Variants in TENM4 observed in about 807,000 individuals in gnomAD.
TENM4 encodes teneurin transmembrane protein 4.
A neutral mutation model predicts 243.3 loss-of-function variants in TENM4; 82 were observed. That is an observed-to-expected ratio of 0.34 (90% CI 0.28 to 0.40). The LOEUF is 0.40. Among genes scored for constraint, TENM4 ranks in the 10% least tolerant of loss-of-function variants. The pLI is 1.00. For missense variants in TENM4, 3,138 were observed against 3,673.3 expected, an observed-to-expected ratio of 0.85 and a Z score of 3.77; for synonymous variants, 1,412 against 1,456.3, an observed-to-expected ratio of 0.97 and a Z score of 0.69.
At chr11:78,858,241 G>A (rs1256955601) in intron 10 of TENM4, among the ~76,000 whole-genome samples, 1 of 152,136 alleles carries the variant, frequency 6.6e-6, no homozygotes, top group Non-Finnish European at 1.5e-5. Flanking sequence ...AGGTCTGCAG[G>A]CCTCAGGCAT....
chr11:78,903,498 G>A lies in TENM4; in HGVS notation c.519C>T (p.His173=). Residue 173 remains histidine (H), a synonymous_variant, in exon 7 of 34, where the codon CAC becomes CAT. Coordinates refer to ENST00000278550, the MANE Select transcript of TENM4 (RefSeq NM_001098816.3). The part of the protein sequence containing the change: ...ETDHPGGLQN[H]ARLRTPPPPL... ...GCGGCGGCGGCGTCCGGAGCCGCGCGTGGTTCTGCAGGCCGCCCGGATGAT... is the reference window on the plus strand; with the variant it reads ...GCGGCGGCGGCGTCCGGAGCCGCGCATGGTTCTGCAGGCCGCCCGGATGAT... The A allele has an allele frequency of 6.5e-7, 1 of 1,547,728 alleles. No individual in the cohort carries two copies. The highest frequency in any genetic ancestry group is 8.7e-7 in the Non-Finnish European group (1 of 1,146,488).
chr11:78,701,592 G>A lies in TENM4; in HGVS notation c.5021C>T (p.Thr1674Ile). Residue 1674 changes from threonine (T) to isoleucine (I), a missense_variant, in exon 28 of 34, where the codon ACA becomes ATA. Thr to Ile is a moderately conservative substitution (Grantham distance 89). Coordinates refer to ENST00000278550, the MANE Select transcript of TENM4 (RefSeq NM_001098816.3). ...CAGAAGGCCGGAATTGCCATGGTATGTCATCATGGCCAACTCGTGTCCTTG... is the reference window on the plus strand; with the variant it reads ...CAGAAGGCCGGAATTGCCATGGTATATCATCATGGCCAACTCGTGTCCTTG... ...TTQGHELAMM[T>I]YHGNSGLLAT... is the part of the protein sequence containing the mutation. 3 of 1,608,050 alleles carry A rather than the reference G, an allele frequency of 1.9e-6. No individual in the cohort carries two copies. The highest frequency in any genetic ancestry group is 2.6e-6 in the Non-Finnish European group (3 of 1,174,922).
chr11:79,079,063 C>A (rs553841222), intron 4 of TENM4, among the ~76,000 whole-genome samples: 26 of 152,330 alleles, frequency 1.7e-4, no homozygotes, highest in African/African-American at 6.3e-4. Context: ...CTGGGAGAAG[C>A]GCTTTTACAG....
At chr11:79,041,899 C>A (rs1859543073) in intron 6 of TENM4, among the ~76,000 whole-genome samples, 1 of 152,180 alleles carries the variant, frequency 6.6e-6, no homozygotes, top group Admixed American at 6.5e-5. Context: ...AGGGTCTGAA[C>A]AATGATAGTA....
At chr11:79,339,783 G>A (rs1031712389) in intron 1 of TENM4, among the ~76,000 whole-genome samples, 3 of 152,108 alleles carry the variant, frequency 2.0e-5, no homozygotes, top group African/African-American at 4.8e-5. Flanking sequence ...GGGAGGAGAG[G>A]GAAAGAGAGG....
At chr11:79,401,683 CA>C (rs1858465229) in intron 1 of TENM4, among the ~76,000 whole-genome samples, 1 of 152,216 alleles carries the variant, frequency 6.6e-6, no homozygotes, top group South Asian at 2.1e-4. Context: ...ATAGGCTCCC[CA>C]GTTTACTTAA....
At chr11:79,221,989 G>A (rs180785458) in intron 2 of TENM4, among the ~76,000 whole-genome samples, 1 of 152,284 alleles carries the variant, frequency 6.6e-6, no homozygotes, top group African/African-American at 2.4e-5. Context: ...CTTTCTTGTG[G>A]TTCTTTGTCT....
At chr11:79,065,093 A>G in intron 5 of TENM4, 86 bp from the exon 6 acceptor site, 1 of 1,416,102 alleles carries the variant, frequency 7.1e-7, no homozygotes, top group South Asian at 1.6e-5. Flanking sequence ...TTCTTACCCC[A>G]GGGCTCACTG....
chr11:79,286,202 T>G (rs1357855037), intron 2 of TENM4, among the ~76,000 whole-genome samples: 1 of 151,918 alleles, frequency 6.6e-6, no homozygotes, highest in Non-Finnish European at 1.5e-5. Context: ...ACAATAATAA[T>G]GTGAAAAAAA....
In TENM4 at chr11:78,657,352, C is replaced by T. The variant is rs1479929214; in HGVS notation, c.*706G>A. 1 of 398,000 alleles carries T rather than the reference C, an allele frequency of 2.5e-6. No individual in the cohort carries two copies. The highest frequency in any genetic ancestry group is 2.1e-5 in the African/African-American group (1 of 48,580). The allele number at this position is 398,000 out of a possible 1,614,324, so 24.7% of individuals were successfully genotyped here. On this transcript the variant is annotated 3_prime_UTR_variant, in exon 34 of 34. Transcript: ENST00000278550. ...AGCATGGGGGTGGCACCGACAACTA[C>T]ACAGGATTTGCAAAAGTGGTAGGGG...
chr11:79,352,538 A>G (rs1745062986), intron 1 of TENM4, among the ~76,000 whole-genome samples: 1 of 152,238 alleles, frequency 6.6e-6, no homozygotes, highest in South Asian at 2.1e-4. Flanking sequence ...GACTGCCTGC[A>G]GCAAATTGAT....
chr11:78,742,058 C>T (rs1480597803), intron 19 of TENM4, among the ~76,000 whole-genome samples: 1 of 152,182 alleles, frequency 6.6e-6, no homozygotes, highest in Non-Finnish European at 1.5e-5. Flanking sequence ...CACAATGAAT[C>T]ACCCCCTCCT....
At chr11:78,787,208 G>T in intron 15 of TENM4, 125 bp from the exon 16 acceptor site, 2 of 1,142,696 alleles carry the variant, frequency 1.8e-6, no homozygotes, top group Non-Finnish European at 1.2e-6. Flanking sequence ...GGAAACCAAA[G>T]TCACACTTGG....
In TENM4 at chr11:78,657,692, C is replaced by T. The variant is rs1309694044; in HGVS notation, c.*366G>A. On this transcript the variant is annotated 3_prime_UTR_variant, in exon 34 of 34. Coordinates refer to ENST00000278550, the MANE Select transcript of TENM4 (RefSeq NM_001098816.3). ...GACAAGTTAGCACAGACATTCATGT[C>T]CCACATCACACTGGGTACCTAGGGA... is the stretch of plus-strand genomic sequence containing the variant. 3 of 404,170 alleles carry T rather than the reference C, an allele frequency of 7.4e-6. No homozygotes were observed. Among genetic ancestry groups the T allele is most frequent in the African/African-American group, 6.1e-5 (3 of 48,942 alleles). The allele number at this position is 404,170 out of a possible 1,614,324, so 25.0% of individuals were successfully genotyped here.
chr11:79,153,501 C>T (rs1213960188), intron 3 of TENM4, among the ~76,000 whole-genome samples: 1 of 152,068 alleles, frequency 6.6e-6, no homozygotes, highest in African/African-American at 2.4e-5. Flanking sequence ...AGATGGATCC[C>T]GACTTGGGTA....
chr11:79,372,357 T>A (rs1318520991), intron 1 of TENM4, among the ~76,000 whole-genome samples: 2 of 152,160 alleles, frequency 1.3e-5, no homozygotes, highest in African/African-American at 4.8e-5. Flanking sequence ...AGTTTAAAAT[T>A]ATATGTTTGC....
intron 1 of TENM4, among the ~76,000 whole-genome samples, chr11:79,347,598 C>T (rs1857346278): frequency 6.6e-6 from 1 of 152,102 alleles, no homozygotes; most frequent in Non-Finnish European, 1.5e-5. Context: ...CCGCAGACAG[C>T]CACACTCTCC....
chr11:78,813,560 G>T (rs1012273623), intron 13 of TENM4, among the ~76,000 whole-genome samples: 24 of 152,286 alleles, frequency 1.6e-4, no homozygotes, highest in African/African-American at 4.8e-4. Flanking sequence ...CTGAATAAGG[G>T]AAAAAGGTAA....
intron 1 of TENM4, among the ~76,000 whole-genome samples, chr11:79,384,643 T>C (rs1858071542): frequency 6.6e-6 from 1 of 151,974 alleles, no homozygotes; most frequent in East Asian, 1.9e-4. Context: ...CCCACAAAAC[T>C]CGGAGCACGC....
Sources: gnomAD v4.1 joint callset for allele counts (sites outside exome capture counted in the v4.1 genomes callset) on GRCh38, gnomAD v4.1.1 for gene constraint, MANE v1.5 for transcripts, NCBI Gene and HGNC (gene_info 2026-07-23, HGNC 2026-07-21) for gene names.